The following BRD8 variants were observed in gnomAD, a reference collection of about 807,000 sequenced individuals.
The protein encoded by BRD8 is bromodomain containing 8.
Under a neutral mutation model 143.1 loss-of-function variants are expected in BRD8, and 67 were observed. The observed-to-expected ratio is 0.47, with a 90% CI of 0.38 to 0.57. BRD8 has a LOEUF of 0.57. BRD8 is among the 20% of genes least tolerant of loss of function. The pLI is 0.00. For missense variants in BRD8, 1,103 were observed against 1,503.0 expected, an observed-to-expected ratio of 0.73 and a Z score of 4.40; for synonymous variants, 505 against 517.1, an observed-to-expected ratio of 0.98 and a Z score of 0.32.
rs185060222 is a variant in BRD8, at chr5:138,160,263, T to C, written c.2428-90A>G. 1.2e-4 allele frequency: 106 copies of C among 857,216 alleles called. 1 individual carries two copies. The African/African-American group carries it at 1.6e-3, about 13-fold the overall frequency. The allele number at this position is 857,216 out of a possible 1,614,324, so 53.1% of individuals were successfully genotyped here. On this transcript the variant is annotated intron_variant, in intron 18 of 26. Coordinates refer to ENST00000254900, the MANE Select transcript of BRD8 (RefSeq NM_139199.2). The stretch of plus-strand genomic sequence containing the variant: ...TTTAAGCACTGTAAATAGAACTTTG[T>C]ATAGTACTCTTCTGGCTCAAATATA...
intron 18 of BRD8, 77 bp downstream of exon 18, chr5:138,160,814 C>A: frequency 2.9e-6 from 4 of 1,365,982 alleles, no homozygotes; most frequent in Non-Finnish European, 3.9e-6. Context: ...AGCAACCCTT[C>A]TTGGCATCAA....
intron 5 of BRD8, 26 bp from the exon 6 acceptor site, chr5:138,170,938 G>A (rs771016340): frequency 6.2e-6 from 10 of 1,612,650 alleles, no homozygotes; most frequent in Non-Finnish European, 7.6e-6. Flanking sequence ...GAGGTAGGTA[G>A]ACTGGGTTTT....
Position 138,172,039 on chromosome 5 carries a change from A to G in BRD8, c.186+26T>C, listed in dbSNP as rs6891301. 3.9e-3 allele frequency: 6,273 copies of G among 1,601,890 alleles called. 200 individuals are homozygous for G. The African/African-American group carries it at 0.07, about 18-fold the overall frequency. ...TACTTTACAACCCAAAGACTGCTCT[A>G]AAAGAGCCCTTGCTTGGGAACTTAC... On this transcript the variant is annotated intron_variant, in intron 3 of 26. Transcript: ENST00000254900.
At chr5:138,178,564 G>A (rs1438016885) in intron 1 of BRD8, 32 bp downstream of exon 1, 3 of 1,604,450 alleles carry the variant, frequency 1.9e-6, no homozygotes, top group Non-Finnish European at 2.6e-6. Flanking sequence ...ATCTACAAAG[G>A]CCTTTCACGC....
chr5:138,165,135 G>A lies in BRD8; in HGVS notation c.1310C>T (p.Ala437Val), dbSNP rs1561612301. The change falls in exon 12 of 27, where the codon GCA becomes GTA. Residue 437 changes from alanine (A) to valine (V), a missense_variant. Ala to Val is a moderately conservative substitution (Grantham distance 64). This residue lies in a region of BRD8 where 53 missense variants were observed against 101.4 expected (regional missense o/e 0.52). Transcript: ENST00000254900. ...VDDHPEVLDV[A>V]AVEAALSFCE... The stretch of plus-strand genomic sequence containing the variant: ...AAATGACAGTGCTGCTTCCACTGCT[G>A]CCACATCCAGCACTTCAGGATGATC... 6.2e-7 allele frequency: 1 copy of A among 1,614,020 alleles called. No homozygotes were observed. The highest frequency in any genetic ancestry group is 8.5e-7 in the Non-Finnish European group (1 of 1,180,004).
At chr5:138,142,431 T>C (rs1751945478) in intron 25 of BRD8, among the ~76,000 whole-genome samples, 1 of 152,148 alleles carries the variant, frequency 6.6e-6, no homozygotes, top group Non-Finnish European at 1.5e-5. Flanking sequence ...TCTATTACCA[T>C]ACAGGTTTAT....
intron 12 of BRD8, 63 bp from the exon 13 acceptor site, chr5:138,164,476 T>A: frequency 1.3e-6 from 2 of 1,483,408 alleles, no homozygotes; most frequent in South Asian, 2.3e-5. Flanking sequence ...CACACAACTT[T>A]ATTCTTCAGT....
Position 138,164,839 on chromosome 5 carries a change from G to T in BRD8, c.1606C>A (p.Pro536Thr). The T allele has an allele frequency of 2.5e-6, 4 of 1,614,170 alleles. No homozygotes were observed. The highest frequency in any genetic ancestry group is 3.4e-6 in the Non-Finnish European group (4 of 1,180,024). The change falls in exon 12 of 27, where the codon CCA becomes ACA. Residue 536 changes from proline to threonine, a missense_variant. Coordinates refer to ENST00000254900, the MANE Select transcript of BRD8 (RefSeq NM_139199.2). ...AGVVPATSME[P>T]PELRSQDLDE... ...AAGTCCTGACTCCTGAGTTCTGGTGGCTCCATACTTGTGGCTGGAACAACT... is the reference window on the plus strand; with the variant it reads ...AAGTCCTGACTCCTGAGTTCTGGTGTCTCCATACTTGTGGCTGGAACAACT...
chr5:138,149,962 T>A (rs1374484746), intron 22 of BRD8, among the ~76,000 whole-genome samples, 165 bp from the exon 23 acceptor site: 1 of 152,220 alleles, frequency 6.6e-6, no homozygotes, highest in Non-Finnish European at 1.5e-5. Flanking sequence ...TTTAAGTTAA[T>A]GAGTTCTTGG....
At chr5:138,142,686 C>T (rs1449401308) in intron 25 of BRD8, among the ~76,000 whole-genome samples, 1 of 151,054 alleles carries the variant, frequency 6.6e-6, no homozygotes, top group African/African-American at 2.4e-5. Flanking sequence ...TCACTTGAAC[C>T]CGGGAGGCGG....
chr5:138,170,952 A>C (rs1581452908), intron 5 of BRD8, 40 bp from the exon 6 acceptor site: 2 of 1,612,710 alleles, frequency 1.2e-6, no homozygotes, highest in East Asian at 2.2e-5. Flanking sequence ...GGGTTTTTTA[A>C]TCTGCTATTT....
At chr5:138,165,762 G>C in intron 11 of BRD8, 66 bp downstream of exon 11, 2 of 1,225,952 alleles carry the variant, frequency 1.6e-6, no homozygotes, top group Non-Finnish European at 2.3e-6. Context: ...CAGCACCAAA[G>C]TGAGGCTGAA....
chr5:138,164,565 T>G (rs1649603940), intron 12 of BRD8, 149 bp downstream of exon 12: 2 of 1,115,918 alleles, frequency 1.8e-6, no homozygotes, highest in African/African-American at 3.2e-5. Flanking sequence ...GGAATAAGTA[T>G]ATATAACACT....
rs747275091 is a variant in BRD8, at chr5:138,170,932, T to C, written c.360-20A>G. 1 of 1,613,382 alleles carries C rather than the reference T, an allele frequency of 6.2e-7. No individual in the cohort carries two copies. Among genetic ancestry groups the C allele is most frequent in the East Asian group, 2.2e-5 (1 of 44,880 alleles). On this transcript the variant is annotated intron_variant, in intron 5 of 26. Coordinates refer to ENST00000254900, the MANE Select transcript of BRD8 (RefSeq NM_139199.2). ...AGCCGTCTATAGGAAGAAAGAGAGG[T>C]AGGTAGACTGGGTTTTTTAATCTGC...
At chr5:138,156,623 A>C (rs1752612003) in intron 20 of BRD8, among the ~76,000 whole-genome samples, 2 of 152,080 alleles carry the variant, frequency 1.3e-5, no homozygotes, top group African/African-American at 4.8e-5. Context: ...AATTCTAAAA[A>C]CCTTACTTTT....
intron 20 of BRD8, among the ~76,000 whole-genome samples, chr5:138,154,789 AT>A (rs1581415726): frequency 7.0e-6 from 1 of 142,336 alleles, no homozygotes; most frequent in East Asian, 2.1e-4. Flanking sequence ...TTCATCTAAT[AT>A]TTTTTCATCA....
chr5:138,147,264 C>T (rs1021865196), intron 23 of BRD8, among the ~76,000 whole-genome samples: 1 of 148,996 alleles, frequency 6.7e-6, no homozygotes, highest in African/African-American at 2.5e-5. Flanking sequence ...AAGACCCTGT[C>T]TCTATGAGAA....
chr5:138,154,402 T>C (rs1323765182), intron 20 of BRD8, among the ~76,000 whole-genome samples: 1 of 152,208 alleles, frequency 6.6e-6, no homozygotes, highest in Admixed American at 6.5e-5. Context: ...TCACCTTCTC[T>C]ACCAACTCAA....
chr5:138,155,081 T>G (rs371285576), intron 20 of BRD8, among the ~76,000 whole-genome samples: 68 of 152,216 alleles, frequency 4.5e-4, no homozygotes, highest in African/African-American at 1.5e-3. Context: ...TCCGCCCACC[T>G]TGGCCTCCCA....
Sources: gnomAD v4.1 joint callset for allele counts (sites outside exome capture counted in the v4.1 genomes callset) on GRCh38, gnomAD v4.1.1 for gene constraint, gnomAD v4.1.1 regional missense constraint, MANE v1.5 for transcripts, NCBI Gene and HGNC (gene_info 2026-07-23, HGNC 2026-07-21) for gene names.